RBFOX1: variants seen among roughly 807,000 people sequenced by gnomAD.
The protein encoded by RBFOX1 is RNA binding fox-1 homolog 1.
In RBFOX1, 8 loss-of-function variants were observed where a neutral mutation model predicts 57.7. The ratio of observed to expected loss-of-function variants is 0.14; its 90% CI spans 0.08 to 0.25. RBFOX1 has a LOEUF of 0.25. Among genes scored for constraint, RBFOX1 ranks in the 10% least tolerant of loss-of-function variants. The probability of loss-of-function intolerance (pLI) is 1.00; values close to 1 mark genes in which losing one functional copy is unlikely to be tolerated. For missense variants in RBFOX1, 611 were observed against 548.5 expected (o/e 1.11, Z -1.14); for synonymous variants, 326 against 222.4 (o/e 1.47, Z -4.15).
At chr16:5,831,976 TG>T (rs1354873928) in intron 3 of RBFOX1, among the ~76,000 whole-genome samples, 1 of 152,022 alleles carries the variant, frequency 6.6e-6, no homozygotes, top group Non-Finnish European at 1.5e-5. Flanking sequence ...GGTTGAAAAA[TG>T]GGGCAGATGT....
At chr16:7,553,630 A>C (rs750627933) in intron 5 of RBFOX1, among the ~76,000 whole-genome samples, 18 of 152,208 alleles carry the variant, frequency 1.2e-4, no homozygotes, top group South Asian at 2.1e-4. Flanking sequence ...GTGCACTTGA[A>C]AGGTGCACAA....
intron 3 of RBFOX1, among the ~76,000 whole-genome samples, chr16:5,781,492 A>G (rs2054322645): frequency 6.6e-6 from 1 of 152,176 alleles, no homozygotes; most frequent in African/African-American, 2.4e-5. Context: ...ACACCCACAC[A>G]TATTTACAAA....
intron 3 of RBFOX1, among the ~76,000 whole-genome samples, chr16:5,629,794 G>C (rs1035707683): frequency 5.9e-5 from 9 of 152,220 alleles, no homozygotes; most frequent in Non-Finnish European, 1.3e-4. Flanking sequence ...AAGCAACAGA[G>C]CCAAATGGCT....
chr16:7,213,157 C>A (rs1236861588), intron 4 of RBFOX1, among the ~76,000 whole-genome samples: 1 of 152,136 alleles, frequency 6.6e-6, no homozygotes, highest in African/African-American at 2.4e-5. Flanking sequence ...ACTCCCTAAC[C>A]ACCTCAAAAC....
At chr16:7,448,528 C>G (rs1436017343) in intron 4 of RBFOX1, among the ~76,000 whole-genome samples, 1 of 152,158 alleles carries the variant, frequency 6.6e-6, no homozygotes, top group South Asian at 2.1e-4. Context: ...GTGAGAACAG[C>G]ATGGGGAAGA....
intron 11 of RBFOX1, among the ~76,000 whole-genome samples, chr16:7,631,021 A>G (rs8052989): frequency 0.025 from 3,832 of 152,314 alleles, 174 homozygotes; most frequent in African/African-American, 0.088. Context: ...TAGCATATAC[A>G]GGCCACCCCA....
At chr16:5,708,154 G>A (rs2051321615) in intron 3 of RBFOX1, among the ~76,000 whole-genome samples, 1 of 152,138 alleles carries the variant, frequency 6.6e-6, no homozygotes, top group Non-Finnish European at 1.5e-5. Flanking sequence ...GACTGGAACT[G>A]GATGAATACA....
chr16:5,485,059 AG>A (rs1358420294), intron 2 of RBFOX1, among the ~76,000 whole-genome samples: 1 of 150,802 alleles, frequency 6.6e-6, no homozygotes, highest in Non-Finnish European at 1.5e-5. Context: ...TCAGAAAAAA[AG>A]TTAAGGCTGG....
At chr16:5,326,049 A>C (rs1256202681) in intron 1 of RBFOX1, among the ~76,000 whole-genome samples, 2 of 152,230 alleles carry the variant, frequency 1.3e-5, no homozygotes, top group Non-Finnish European at 2.9e-5. Flanking sequence ...AGAGTTTGGC[A>C]TCAGAGTTTT....
At chr16:5,817,333 T>C (rs778587433) in intron 3 of RBFOX1, among the ~76,000 whole-genome samples, 9 of 152,278 alleles carry the variant, frequency 5.9e-5, no homozygotes, top group Middle Eastern at 3.4e-3. Context: ...AAAGCGAGCT[T>C]GCTGACAAGC....
In RBFOX1 at chr16:7,165,387, G is replaced by GTAATAATAATAATAATAATAATAATAA. The variant is rs142157694; in HGVS notation, c.27+113311_27+113312insAATAATAATAATAATAATAATAATAAT. On this transcript the variant is annotated intron_variant, in intron 4 of 15. Transcript: ENST00000550418. The stretch of plus-strand genomic sequence containing the variant: ...TAGAGGCCCAGATCATAACTCTTCT[G>GTAATAATAATAATAATAATAATAATAA]TAATAATAATAATAATAATAATGAT... Among the ~76,000 whole-genome samples, 351 of 141,188 alleles carry GTAATAATAATAATAATAATAATAATAA rather than the reference G, an allele frequency of 2.5e-3. 3 individuals are homozygous for GTAATAATAATAATAATAATAATAATAA. Among genetic ancestry groups the GTAATAATAATAATAATAATAATAATAA allele is most frequent in the African/African-American group, 8.0e-3 (307 of 38,278 alleles). 92.6% of individuals were successfully genotyped at this position (141,188 alleles called of 152,430 possible).
chr16:7,462,248 C>A (rs1266545537), intron 4 of RBFOX1, among the ~76,000 whole-genome samples: 1 of 152,164 alleles, frequency 6.6e-6, no homozygotes, highest in Non-Finnish European at 1.5e-5. Context: ...TAACAAATCA[C>A]CACAAATTTA....
At chr16:6,534,251 G>T (rs1002660282) in intron 2 of RBFOX1, among the ~76,000 whole-genome samples, 1 of 151,674 alleles carries the variant, frequency 6.6e-6, no homozygotes, top group Non-Finnish European at 1.5e-5. Context: ...AAGGACATCA[G>T]TGTGTATGTG....
At chr16:6,471,770 C>T (rs2095180533) in intron 2 of RBFOX1, among the ~76,000 whole-genome samples, 1 of 152,034 alleles carries the variant, frequency 6.6e-6, no homozygotes, top group Admixed American at 6.6e-5. Context: ...TCTGGAGACT[C>T]CTTTGCAGGC....
intron 1 of RBFOX1, among the ~76,000 whole-genome samples, chr16:6,274,653 A>G (rs1037742085): frequency 6.6e-6 from 1 of 152,198 alleles, no homozygotes; most frequent in Non-Finnish European, 1.5e-5. Flanking sequence ...CCCTGATATC[A>G]TACTATGGTT....
At chr16:7,703,338 C>T (rs1373770354) in intron 14 of RBFOX1, among the ~76,000 whole-genome samples, 1 of 152,174 alleles carries the variant, frequency 6.6e-6, no homozygotes, top group East Asian at 1.9e-4. Context: ...CAAGCCCATG[C>T]ATTTTCTTGC....
intron 4 of RBFOX1, among the ~76,000 whole-genome samples, chr16:7,397,773 G>A (rs532565022): frequency 2.6e-5 from 4 of 152,146 alleles, no homozygotes; most frequent in African/African-American, 9.6e-5. Context: ...ATAGATTTAC[G>A]GTGGTATGAA....
chr16:6,538,643 G>A (rs117404835), intron 2 of RBFOX1, among the ~76,000 whole-genome samples: 1,976 of 152,282 alleles, frequency 0.013, 25 homozygotes, highest in Non-Finnish European at 0.02. Context: ...TTGCTGGTTG[G>A]ATTGCAGAAT....
chr16:5,317,958 C>G (rs1033577808), intron 1 of RBFOX1, among the ~76,000 whole-genome samples: 2 of 152,090 alleles, frequency 1.3e-5, no homozygotes, highest in African/African-American at 2.4e-5. Context: ...GTCTGGTAAC[C>G]TCTGTTCTAC....
Sources: allele counts gnomAD v4.1 joint callset (sites outside exome capture counted in the v4.1 genomes callset), GRCh38; gene constraint gnomAD v4.1.1; transcripts MANE v1.5; gene names NCBI Gene and HGNC (gene_info 2026-07-23, HGNC 2026-07-21).